The following MFSD6 variants were observed in gnomAD, a reference collection of about 807,000 sequenced individuals.
MFSD6 encodes major facilitator superfamily domain containing 6.
A neutral mutation model predicts 56.3 loss-of-function variants in MFSD6; 26 were observed. That is an observed-to-expected ratio of 0.46 (90% CI 0.34 to 0.64). The LOEUF is 0.64. MFSD6 is among the 30% of genes least tolerant of loss of function. The probability of loss-of-function intolerance (pLI) is 0.01; values close to 1 mark genes in which losing one functional copy is unlikely to be tolerated. For synonymous variants in MFSD6, 331 were observed against 366.9 expected (o/e 0.90, Z 1.12); for missense variants, 750 against 986.2 (o/e 0.76, Z 3.21).
In MFSD6 at chr2:190,500,140, C is replaced by G. The variant is rs1689952950; in HGVS notation, c.2298C>G (p.Ser766Arg). Residue 766 changes from serine to arginine, a missense_variant, in exon 8 of 8, where the codon AGC (serine) becomes AGG (arginine). Coordinates refer to ENST00000392328, the MANE Select transcript of MFSD6 (RefSeq NM_017694.4). The surrounding 1 kb of genome is among the most constrained non-coding windows in gnomAD (Gnocchi z 5.3). ...CAGCAGCATCTCAGACGCAGACCAG[C>G]CCCGCTCACCCCAGTGTGGACCCGT... ...PDAAASQTQT[S>R]PAHPSVDPCT... 6.2e-7 allele frequency: 1 copy of G among 1,614,032 alleles called. No individual in the cohort carries two copies. The highest frequency in any genetic ancestry group is 8.5e-7 in the Non-Finnish European group (1 of 1,180,042).
intron 1 of MFSD6, among the ~76,000 whole-genome samples, chr2:190,408,967 A>G (rs914875267): frequency 1.3e-5 from 2 of 152,200 alleles, no homozygotes; most frequent in African/African-American, 2.4e-5. Context: ...CCTGGGAAAA[A>G]GGAGGAGGTG....
At position 190,484,630 on chromosome 2, in the gene MFSD6, T is replaced by C; in HGVS notation, c.1631-4027T>C. On this transcript the variant is annotated intron_variant, in intron 4 of 7. Coordinates refer to ENST00000392328, the MANE Select transcript of MFSD6 (RefSeq NM_017694.4). ...AACATTGGCAAGAGCTTCAGATTAT[T>C]AAGATTACTAGAAAGTTGCATGTTC... Among the ~76,000 whole-genome samples, 2 of 152,180 alleles carry C rather than the reference T, an allele frequency of 1.3e-5. 1 individual carries two copies. Among genetic ancestry groups the C allele is most frequent in the Non-Finnish European group, 2.9e-5 (2 of 68,012 alleles).
chr2:190,466,274 G>C (rs1460828337), intron 3 of MFSD6, among the ~76,000 whole-genome samples: 2 of 152,186 alleles, frequency 1.3e-5, no homozygotes, highest in African/African-American at 4.8e-5. Flanking sequence ...TGAACTGGGG[G>C]AACACATGGT....
rs535318715 is a variant in MFSD6, at chr2:190,477,671, C to G, written c.1630+7816C>G. Among the ~76,000 whole-genome samples the G allele has an allele frequency of 9.2e-5, 14 of 152,260 alleles. No homozygotes were observed. The East Asian group carries it at 2.7e-3, about 29-fold the overall frequency. Reference sequence around the variant, plus strand: ...TGCTGAGAATGTAATAAAATATATACATATATTAACTCAGGCCACAAGGTC... The same window carrying G: ...TGCTGAGAATGTAATAAAATATATAGATATATTAACTCAGGCCACAAGGTC... On this transcript the variant is annotated intron_variant, in intron 4 of 7. Transcript: ENST00000392328.
At position 190,426,459 on chromosome 2, in the gene MFSD6, C is replaced by T. The variant is rs1685787828; in HGVS notation, c.-53-9518C>T. On this transcript the variant is annotated intron_variant, in intron 2 of 7. Transcript: ENST00000392328. The surrounding 1 kb of genome is among the most constrained non-coding windows in gnomAD (Gnocchi z 4.7). ...TTCAAGCATGTTTATAATTGCCTAT[C>T]TAAGCATTTTTAGGATGGCTTTTTA... Among the ~76,000 whole-genome samples, 2 of 152,000 alleles carry T rather than the reference C, an allele frequency of 1.3e-5. No homozygotes were observed. The highest frequency in any genetic ancestry group is 4.2e-4 in the South Asian group (2 of 4,818).
intron 2 of MFSD6, 111 bp from the exon 3 acceptor site, chr2:190,435,866 C>G: frequency 8.5e-6 from 8 of 937,472 alleles, no homozygotes; most frequent in Non-Finnish European, 1.2e-5. Context: ...AGAATTCTCT[C>G]TTGCAATTAT....
At chr2:190,448,797 A>G (rs979990013) in intron 3 of MFSD6, among the ~76,000 whole-genome samples, 5 of 152,190 alleles carry the variant, frequency 3.3e-5, no homozygotes, top group Non-Finnish European at 7.3e-5. Context: ...TAAGGAAATA[A>G]TGGCAAAATA....
At position 190,423,467 on chromosome 2, in the gene MFSD6, C is replaced by G. The variant is rs1357220145; in HGVS notation, c.-54+8054C>G. On this transcript the variant is annotated intron_variant, in intron 2 of 7. Coordinates refer to ENST00000392328, the MANE Select transcript of MFSD6 (RefSeq NM_017694.4). This position sits in a 1 kb window ranked among gnomAD's most constrained non-coding sequence, Gnocchi z 4.3. ...GTTTATTGCATGTATCAATCGTTTG[C>G]TCCTTTTTATTGCTGCATAATATCC... Among the ~76,000 whole-genome samples the G allele has an allele frequency of 6.6e-6, 1 of 152,136 alleles. No homozygotes were observed. The highest frequency in any genetic ancestry group is 6.5e-5 in the Admixed American group (1 of 15,276).
At chr2:190,429,246 G>GTC (rs1685882830) in intron 2 of MFSD6, among the ~76,000 whole-genome samples, 1 of 151,268 alleles carries the variant, frequency 6.6e-6, no homozygotes, top group Non-Finnish European at 1.5e-5. Context: ...GTGTGTGTGT[G>GTC]TGTATACATA....
chr2:190,464,979 A>G (rs1214751324), intron 3 of MFSD6: 3 of 840,396 alleles, frequency 3.6e-6, no homozygotes, highest in Non-Finnish European at 4.3e-6. Context: ...CTCACAACTA[A>G]CTACACTGTT....
rs754998112 is a variant in MFSD6 at position 190,497,393 on chromosome 2, T to C, written c.1892-46T>C. 43 of 1,586,296 alleles carry C rather than the reference T, an allele frequency of 2.7e-5. No individual in the cohort carries two copies. In the Admixed American group the frequency reaches 7.2e-4, roughly 27 times the overall value. On this transcript the variant is annotated intron_variant, in intron 6 of 7. Transcript: ENST00000392328. The surrounding 1 kb of genome is among the most constrained non-coding windows in gnomAD (Gnocchi z 5.2). ...ATTTATTTTTACCTTTGTTCAAATATGTAGAAAATGCTGAAAAAATAGTTT... is the reference window on the plus strand; with the variant it reads ...ATTTATTTTTACCTTTGTTCAAATACGTAGAAAATGCTGAAAAAATAGTTT...
Position 190,423,261 on chromosome 2 carries a change from CT to C in MFSD6, c.-54+7850del, listed in dbSNP as rs1213450640. ...CGCCACCAAGGTCCCTCATGTTGCC[CT>C]TGTATAGCCACCTCTACTTCCCTCC... On this transcript the variant is annotated intron_variant, in intron 2 of 7. Coordinates refer to ENST00000392328, the MANE Select transcript of MFSD6 (RefSeq NM_017694.4). This position sits in a 1 kb window ranked among gnomAD's most constrained non-coding sequence, Gnocchi z 4.3. Among the ~76,000 whole-genome samples the C allele has an allele frequency of 6.6e-6, 1 of 152,180 alleles. No homozygotes were observed. The highest frequency in any genetic ancestry group is 1.5e-5 in the Non-Finnish European group (1 of 68,036).
chr2:190,411,981 T>C, intron 1 of MFSD6: 1 of 985,408 alleles, frequency 1.0e-6, no homozygotes, highest in Non-Finnish European at 1.2e-6. Context: ...GAAACCAATT[T>C]ACCTGCTGTG....
rs972515335 is a variant in MFSD6, at chr2:190,411,664, T to G, written c.-176+3161T>G. 1.5e-5 allele frequency: 15 copies of G among 983,878 alleles called. No individual in the cohort carries two copies. The African/African-American group carries it at 2.3e-4, about 15-fold the overall frequency. The allele number at this position is 983,878 out of a possible 1,614,324, so 60.9% of individuals were successfully genotyped here. A position where few individuals can be genotyped will look rare whatever the true frequency, so the allele number is the denominator to read the frequency against. ...AAAGTAAGATAAAATTGAATGTGCC[T>G]AAACTCTAATGTTAGGGAAGTGAAA... On this transcript the variant is annotated intron_variant, in intron 1 of 7. Coordinates refer to ENST00000392328, the MANE Select transcript of MFSD6 (RefSeq NM_017694.4).
In MFSD6 at chr2:190,459,767, T is replaced by C. The variant is rs1283433062; in HGVS notation, c.1533-9991T>C. Among the ~76,000 whole-genome samples the C allele has an allele frequency of 6.6e-6, 1 of 152,242 alleles. No individual in the cohort carries two copies. Among genetic ancestry groups the C allele is most frequent in the African/African-American group, 2.4e-5 (1 of 41,464 alleles). On this transcript the variant is annotated intron_variant, in intron 3 of 7. Transcript: ENST00000392328. This position sits in a 1 kb window ranked among gnomAD's most constrained non-coding sequence, Gnocchi z 5.3. ...ATCAGTCATTTTAGAGGGAAGAATC[T>C]GAACACAACAAAATGATTTCCAGCT...
At position 190,500,317 on chromosome 2, in the gene MFSD6, A is replaced by G. The variant is rs61742316; in HGVS notation, c.*99A>G. ...CAGGATATGCCTCCCCTGGAGGAGC[A>G]CAGCACTGCATATGCTTCTAAATAT... On this transcript the variant is annotated 3_prime_UTR_variant, in exon 8 of 8. Transcript: ENST00000392328. The surrounding 1 kb of genome is among the most constrained non-coding windows in gnomAD (Gnocchi z 5.3). The G allele has an allele frequency of 0.084, 104,233 of 1,236,968 alleles. 5,067 individuals carry two copies. Among genetic ancestry groups the G allele is most frequent in the Middle Eastern group, 0.13 (530 of 3,992 alleles). 76.6% of individuals were successfully genotyped at this position (1,236,968 alleles called of 1,614,324 possible). A position where few individuals can be genotyped will look rare whatever the true frequency, so the allele number is the denominator to read the frequency against.
At chr2:190,477,206 A>G (rs1366851214) in intron 4 of MFSD6, 2 of 950,618 alleles carry the variant, frequency 2.1e-6, no homozygotes, top group Non-Finnish European at 2.5e-6. Flanking sequence ...AAGTATAATA[A>G]TAATAATAAC....
rs77904492 is a variant in MFSD6, at chr2:190,492,103, A to G, written c.1891+2237A>G. Reference sequence around the variant, plus strand: ...AGGTTTTTGAATTAATCCAACGAAGACAAAGAAAAAAGAATTTTAAAAAAT... The same window carrying G: ...AGGTTTTTGAATTAATCCAACGAAGGCAAAGAAAAAAGAATTTTAAAAAAT... On this transcript the variant is annotated intron_variant, in intron 6 of 7. Coordinates refer to ENST00000392328, the MANE Select transcript of MFSD6 (RefSeq NM_017694.4). The surrounding 1 kb of genome is among the most constrained non-coding windows in gnomAD (Gnocchi z 5.2). Among the ~76,000 whole-genome samples, 4,374 of 152,288 alleles carry G rather than the reference A, an allele frequency of 0.029. 233 individuals carry two copies. Among genetic ancestry groups the G allele is most frequent in the African/African-American group, 0.098 (4,080 of 41,560 alleles).
intron 1 of MFSD6, among the ~76,000 whole-genome samples, chr2:190,414,663 C>T (rs928471493): frequency 3.3e-5 from 5 of 151,986 alleles, no homozygotes; most frequent in African/African-American, 9.7e-5. Context: ...TCAGGAACTC[C>T]GGGAACAAGG....
Sources: allele counts gnomAD v4.1 joint callset (sites outside exome capture counted in the v4.1 genomes callset), GRCh38; gene constraint gnomAD v4.1.1; non-coding constraint Gnocchi (gnomAD v3.1); transcripts MANE v1.5; gene names NCBI Gene and HGNC (gene_info 2026-07-23, HGNC 2026-07-21).